TMCO5A: variants seen among roughly 807,000 people sequenced by gnomAD.
TMCO5A encodes transmembrane and coiled-coil domain-containing protein 5A.
A neutral mutation model predicts 42.3 loss-of-function variants in TMCO5A; 34 were observed. The ratio of observed to expected loss-of-function variants is 0.80; its 90% CI spans 0.61 to 1.07. The LOEUF is 1.07. Among genes scored for constraint, TMCO5A ranks in the 50% least tolerant of loss-of-function variants. TMCO5A has a pLI of 0.00. For missense variants in TMCO5A, 357 were observed against 327.9 expected (o/e 1.09, Z -0.69); for synonymous variants, 131 against 115.6 (o/e 1.13, Z -0.86).
At chr15:37,978,856 G>C in the TMCO5A span, among the ~76,000 whole-genome samples, 4 of 152,164 alleles carry the variant, frequency 2.6e-5, no homozygotes, top group Admixed American at 2.0e-4. Flanking sequence ...TGCTTCTGGG[G>C]AGGCCTCAGG....
chr15:38,030,509 C>G, the TMCO5A span, among the ~76,000 whole-genome samples: 1 of 152,206 alleles, frequency 6.6e-6, no homozygotes, highest in Admixed American at 6.5e-5. Flanking sequence ...TTGCTGCTCT[C>G]AAATTATTCT....
the TMCO5A span, among the ~76,000 whole-genome samples, chr15:38,037,855 A>C: frequency 1.3e-5 from 2 of 152,102 alleles, no homozygotes; most frequent in South Asian, 4.1e-4. Flanking sequence ...TCTACTAAAA[A>C]TACAAAAATT....
At chr15:37,991,350 C>T in the TMCO5A span, among the ~76,000 whole-genome samples, 1 of 152,076 alleles carries the variant, frequency 6.6e-6, no homozygotes, top group Non-Finnish European at 1.5e-5. Flanking sequence ...CTTCATTTCT[C>T]TCTCACTTTT....
the TMCO5A span, among the ~76,000 whole-genome samples, chr15:37,982,172 C>CAGAT: frequency 6.6e-6 from 1 of 152,142 alleles, no homozygotes; most frequent in Non-Finnish European, 1.5e-5. Flanking sequence ...ATGTGGAAAA[C>CAGAT]AGATAGATGT....
At chr15:38,016,584 C>A in the TMCO5A span, among the ~76,000 whole-genome samples, 1 of 152,148 alleles carries the variant, frequency 6.6e-6, no homozygotes, top group South Asian at 2.1e-4. Flanking sequence ...GATCAAGCAC[C>A]TACGGTAACT....
intron 10 of TMCO5A, 30 bp from the exon 11 acceptor site, chr15:37,947,626 C>T: frequency 1.3e-6 from 2 of 1,512,218 alleles, no homozygotes; most frequent in Non-Finnish European, 1.8e-6. Flanking sequence ...CCAGAAATTG[C>T]TTATTTATCA....
chr15:37,938,451 G>A (rs1889610557), intron 6 of TMCO5A, among the ~76,000 whole-genome samples: 1 of 151,876 alleles, frequency 6.6e-6, no homozygotes, highest in South Asian at 2.1e-4. Flanking sequence ...GGAAGAGCAG[G>A]GCACAAATGC....
chr15:38,017,886 C>T, the TMCO5A span, among the ~76,000 whole-genome samples: 1 of 152,080 alleles, frequency 6.6e-6, no homozygotes, highest in Non-Finnish European at 1.5e-5. Flanking sequence ...TTCTTGTGAT[C>T]GTGAGCGAGC....
chr15:37,951,023 A>C lies in TMCO5A; in HGVS notation c.669-13A>C. 6.2e-7 allele frequency: 1 copy of C among 1,609,568 alleles called. No homozygotes were observed. Among genetic ancestry groups the C allele is most frequent in the Non-Finnish European group, 8.5e-7 (1 of 1,178,740 alleles). On this transcript the variant is annotated splice_polypyrimidine_tract_variant and intron_variant, in intron 11 of 11. Transcript: ENST00000319669. ...AGCTTCTGGTTAACAGTTTCATGGCATTCTCTTTTTAGGATTTTTTGCTGT... is the reference window on the plus strand; with the variant it reads ...AGCTTCTGGTTAACAGTTTCATGGCCTTCTCTTTTTAGGATTTTTTGCTGT...
chr15:38,010,383 CAAAA>C, the TMCO5A span, among the ~76,000 whole-genome samples: 8 of 40,322 alleles, frequency 2.0e-4, no homozygotes, highest in African/African-American at 4.7e-4. Context: ...ACTCCGTCTC[CAAAA>C]AAAAAAAAAA....
chr15:38,002,129 T>C, the TMCO5A span, among the ~76,000 whole-genome samples: 3 of 152,272 alleles, frequency 2.0e-5, no homozygotes, highest in South Asian at 6.2e-4. Flanking sequence ...CCCTCAACTT[T>C]TGTTTGTCTG....
the TMCO5A span, among the ~76,000 whole-genome samples, chr15:37,973,048 G>T: frequency 2.0e-5 from 3 of 152,030 alleles, no homozygotes; most frequent in East Asian, 5.8e-4. Flanking sequence ...TTTCCCCATT[G>T]CCTGTTTTGT....
rs1395093069 is a variant in TMCO5A, at chr15:37,951,064, C to A, written c.697C>A (p.Leu233Ile). Residue 233 changes from leucine to isoleucine, a missense_variant, in exon 12 of 12, where the codon CTA becomes ATA. Coordinates refer to ENST00000319669, the MANE Select transcript of TMCO5A (RefSeq NM_152453.4). ...TTTTTGCTGTCTCTTTTTCATCACC[C>A]TATTTTTCATCAGACTGCTGAGCTA... is the stretch of plus-strand genomic sequence containing the variant. ...KIFCCLFFIT[L>I]FFIRLLSYMF... is the part of the protein sequence containing the mutation. 6.2e-7 allele frequency: 1 copy of A among 1,612,530 alleles called. No homozygotes were observed. Among genetic ancestry groups the A allele is most frequent in the Non-Finnish European group, 8.5e-7 (1 of 1,179,806 alleles).
At chr15:37,943,671 C>T in intron 10 of TMCO5A, 3 of 405,210 alleles carry the variant, frequency 7.4e-6, no homozygotes, top group Non-Finnish European at 1.4e-5. Flanking sequence ...CAAGAAGCAA[C>T]CTTAATTGAG....
chr15:37,963,806 T>A (rs974360733), intron 11 of TMCO5A, among the ~76,000 whole-genome samples: 2 of 152,228 alleles, frequency 1.3e-5, no homozygotes, highest in African/African-American at 4.8e-5. Context: ...TTATACAATG[T>A]CCCTCTTTCT....
chr15:37,996,890 T>C, the TMCO5A span, among the ~76,000 whole-genome samples: 1 of 152,206 alleles, frequency 6.6e-6, no homozygotes, highest in African/African-American at 2.4e-5. Flanking sequence ...GTGGCCCTTT[T>C]ACATGTTTAA....
downstream of TMCO5A, among the ~76,000 whole-genome samples, chr15:37,972,482 T>C (rs1443146495): frequency 2.6e-5 from 4 of 152,176 alleles, no homozygotes; most frequent in Non-Finnish European, 4.4e-5. Context: ...CCATTCTGAG[T>C]GGTGTGAGAT....
intron 10 of TMCO5A, chr15:37,943,618 C>G (rs1437670853): frequency 1.6e-5 from 8 of 511,642 alleles, no homozygotes; most frequent in Non-Finnish European, 3.5e-6. Context: ...ATAACAGGCT[C>G]TCAAAAAACT....
the TMCO5A span, among the ~76,000 whole-genome samples, chr15:38,016,075 G>C: frequency 2.6e-5 from 4 of 152,254 alleles, no homozygotes; most frequent in African/African-American, 9.6e-5. Context: ...ATGATACTGG[G>C]ACGTCAATGT....
Sources: allele counts gnomAD v4.1 joint callset (sites outside exome capture counted in the v4.1 genomes callset), GRCh38; gene constraint gnomAD v4.1.1; transcripts MANE v1.5; gene names NCBI Gene and HGNC (gene_info 2026-07-23, HGNC 2026-07-21).